PGD: variants seen among roughly 807,000 people sequenced by gnomAD.
PGD encodes phosphogluconate dehydrogenase, also known as 6-phosphogluconate dehydrogenase, decarboxylating.
PGD carries 21 observed loss-of-function variants against 60.4 expected under a neutral mutation model. That is an observed-to-expected ratio of 0.35 (90% CI 0.25 to 0.50). PGD has a LOEUF of 0.50. Among genes scored for constraint, PGD ranks in the 20% least tolerant of loss-of-function variants. PGD has a pLI of 0.98. For synonymous variants in PGD, 230 were observed against 235.9 expected, an observed-to-expected ratio of 0.97 and a Z score of 0.23; for missense variants, 477 against 613.1, an observed-to-expected ratio of 0.78 and a Z score of 2.34.
chr1:10,411,707 A>G (rs1413023677), intron 7 of PGD, among the ~76,000 whole-genome samples, 155 bp downstream of exon 7: 2 of 152,178 alleles, frequency 1.3e-5, no homozygotes, highest in African/African-American at 4.8e-5. Flanking sequence ...ATAGGCCTAT[A>G]CACTATGCTA....
chr1:10,403,585 C>T (rs1639351550), intron 4 of PGD, among the ~76,000 whole-genome samples: 1 of 60,532 alleles, frequency 1.7e-5, no homozygotes, highest in Admixed American at 1.9e-4. Flanking sequence ...AGTGAAACTC[C>T]ATCTGAAAAA....
chr1:10,413,025 T>A (rs1639524350), intron 7 of PGD, 37 bp from the exon 8 acceptor site: 1 of 1,575,468 alleles, frequency 6.3e-7, no homozygotes, highest in African/African-American at 1.3e-5. Context: ...CAGCCCTCAT[T>A]CCTCTAACAT....
At chr1:10,403,731 TG>T (rs2102387017) in intron 4 of PGD, among the ~76,000 whole-genome samples, 1 of 152,228 alleles carries the variant, frequency 6.6e-6, no homozygotes, top group African/African-American at 2.4e-5. Flanking sequence ...ATCCATGATA[TG>T]TCAGTCTATA....
chr1:10,399,696 G>C lies in PGD; in HGVS notation c.76G>C (p.Gly26Arg), dbSNP rs372034488. 4.2e-5 allele frequency: 68 copies of C among 1,613,906 alleles called. No homozygotes were observed. The highest frequency in any genetic ancestry group is 3.3e-4 in the Middle Eastern group (2 of 6,082). ...CTTAATTCTGAACATGAATGACCAC[G>C]GCTTTGTGGTAAGCGGCGTGGGCGC... ...QNLILNMNDH[G>R]FVVCAFNRTV... is the part of the protein sequence containing the mutation. Residue 26 changes from glycine to arginine, a missense_variant, in exon 2 of 13, where the codon GGC becomes CGC. Gly to Arg is a moderately radical substitution (Grantham distance 125). Coordinates refer to ENST00000270776, the MANE Select transcript of PGD (RefSeq NM_002631.4).
chr1:10,404,381 T>G (rs751587640), intron 5 of PGD, 102 bp downstream of exon 5: 20 of 606,172 alleles, frequency 3.3e-5, no homozygotes, highest in African/African-American at 7.6e-5. Flanking sequence ...TGTGGTGCCC[T>G]GAGTGTGACA....
At chr1:10,409,152 A>C (rs972663377) in intron 6 of PGD, among the ~76,000 whole-genome samples, 3 of 152,206 alleles carry the variant, frequency 2.0e-5, no homozygotes, top group Non-Finnish European at 4.4e-5. Context: ...TATATCAGCA[A>C]TTTTAATGTG....
intron 3 of PGD, among the ~76,000 whole-genome samples, chr1:10,401,074 T>G (rs115915052): frequency 0.026 from 3,983 of 152,208 alleles, 197 homozygotes; most frequent in African/African-American, 0.09. Context: ...GCTTTGTGGC[T>G]CATGCCTGTA....
At chr1:10,405,975 T>A (rs1639397854) in intron 5 of PGD, among the ~76,000 whole-genome samples, 1 of 152,098 alleles carries the variant, frequency 6.6e-6, no homozygotes, top group Non-Finnish European at 1.5e-5. Flanking sequence ...CGCCTCAGCC[T>A]CCCAAGTGGC....
chr1:10,413,942 G>GC (rs1639549400), intron 8 of PGD, among the ~76,000 whole-genome samples: 1 of 151,570 alleles, frequency 6.6e-6, no homozygotes, highest in Non-Finnish European at 1.5e-5. Flanking sequence ...TGTAATCCCA[G>GC]CTACTCAGGA....
At chr1:10,414,600 C>T (rs1234154641) in intron 8 of PGD, among the ~76,000 whole-genome samples, 2 of 151,850 alleles carry the variant, frequency 1.3e-5, no homozygotes, top group Non-Finnish European at 2.9e-5. Flanking sequence ...TGGTCTCGAA[C>T]TCCTAACCTC....
intron 6 of PGD, among the ~76,000 whole-genome samples, chr1:10,411,141 C>G (rs1039799339): frequency 6.6e-6 from 1 of 151,964 alleles, no homozygotes; most frequent in Non-Finnish European, 1.5e-5. Context: ...AAAATACAGG[C>G]TAGAGAGCCA....
chr1:10,400,227 G>C (rs1469324689), intron 2 of PGD, 166 bp from the exon 3 acceptor site: 7 of 578,634 alleles, frequency 1.2e-5, no homozygotes, highest in Admixed American at 3.3e-5. Context: ...TCCTACTGAG[G>C]TGACATAACT....
intron 3 of PGD, among the ~76,000 whole-genome samples, chr1:10,402,540 T>C (rs1280957677): frequency 6.6e-6 from 1 of 151,300 alleles, no homozygotes; most frequent in Non-Finnish European, 1.5e-5. Flanking sequence ...TTTTTTTTTT[T>C]GAGACGGGGT....
chr1:10,419,624 TC>T lies in PGD; in HGVS notation c.1333-4del, dbSNP rs1383193248. The T allele has an allele frequency of 6.2e-7, 1 of 1,614,130 alleles. No individual in the cohort carries two copies. Among genetic ancestry groups the T allele is most frequent in the African/African-American group, 1.3e-5 (1 of 75,066 alleles). On this transcript the variant is annotated splice_region_variant and splice_polypyrimidine_tract_variant and intron_variant, in intron 12 of 12. Coordinates refer to ENST00000270776, the MANE Select transcript of PGD (RefSeq NM_002631.4). ...GTCCTGACCAACCTACTCTCTCGTT[TC>T]CTAGGCTCAGCGGGATTACTTCGGG...
intron 7 of PGD, among the ~76,000 whole-genome samples, chr1:10,411,865 A>C (rs1639506570): frequency 6.6e-6 from 1 of 152,204 alleles, no homozygotes; most frequent in Admixed American, 6.5e-5. Flanking sequence ...GATGCAGCAG[A>C]AGCTTTCTTT....
intron 6 of PGD, among the ~76,000 whole-genome samples, chr1:10,408,922 TTAAAG>T (rs918429156): frequency 3.3e-5 from 5 of 152,190 alleles, no homozygotes; most frequent in African/African-American, 9.7e-5. Flanking sequence ...CGTGTTGCTG[TTAAAG>T]TAAACTTTAT....
intron 1 of PGD, 49 bp downstream of exon 1, chr1:10,399,174 A>T: frequency 1.9e-6 from 3 of 1,600,098 alleles, no homozygotes; most frequent in Non-Finnish European, 2.6e-6. Flanking sequence ...CGGGCGGGGA[A>T]CTCTTTGGGG....
At chr1:10,401,792 G>A (rs987582282) in intron 3 of PGD, among the ~76,000 whole-genome samples, 2 of 152,116 alleles carry the variant, frequency 1.3e-5, no homozygotes, top group Non-Finnish European at 2.9e-5. Context: ...GAGGTGGGTG[G>A]ATCATGAGGT....
chr1:10,403,035 T>G, intron 3 of PGD, 36 bp from the exon 4 acceptor site: 1 of 1,360,156 alleles, frequency 7.4e-7, no homozygotes. Context: ...GTATGTTTCA[T>G]TTTTGGTCCA....
Sources: allele counts gnomAD v4.1 joint callset (sites outside exome capture counted in the v4.1 genomes callset), GRCh38; gene constraint gnomAD v4.1.1; transcripts MANE v1.5; gene names NCBI Gene and HGNC (gene_info 2026-07-23, HGNC 2026-07-21).